The following DAPK1 variants were observed in gnomAD, a reference collection of about 807,000 sequenced individuals.
The protein encoded by DAPK1 is death associated protein kinase 1, also known as death-associated protein kinase 1.
DAPK1 carries 56 observed loss-of-function variants against 144.9 expected under a neutral mutation model. The ratio of observed to expected loss-of-function variants is 0.39; its 90% CI spans 0.31 to 0.48. The LOEUF (loss-of-function observed/expected upper bound fraction) is 0.48. Among genes scored for constraint, DAPK1 ranks in the 20% least tolerant of loss-of-function variants. The pLI, the probability that DAPK1 is intolerant of heterozygous loss-of-function variation, is 0.95. For synonymous variants in DAPK1, 690 were observed against 749.0 expected, an observed-to-expected ratio of 0.92 and a Z score of 1.29; for missense variants, 1,454 against 1,875.4, an observed-to-expected ratio of 0.78 and a Z score of 4.15.
intron 18 of DAPK1, among the ~76,000 whole-genome samples, chr9:87,664,912 C>A (rs1830996851): frequency 6.6e-6 from 1 of 152,228 alleles, no homozygotes; most frequent in Admixed American, 6.5e-5. Context: ...GCCCCATGAG[C>A]TTCCTTGATG....
At chr9:87,623,429 T>C (rs960087080) in intron 3 of DAPK1, among the ~76,000 whole-genome samples, 1 of 152,168 alleles carries the variant, frequency 6.6e-6, no homozygotes, top group African/African-American at 2.4e-5. Flanking sequence ...TATTTCCAAA[T>C]GTGGATCTTT....
At chr9:87,691,224 G>C (rs779438669) in intron 21 of DAPK1, among the ~76,000 whole-genome samples, 1 of 151,792 alleles carries the variant, frequency 6.6e-6, no homozygotes, top group Non-Finnish European at 1.5e-5. Flanking sequence ...TTCAATCTTT[G>C]TAAATTATCT....
chr9:87,523,972 A>G (rs1442269324), intron 2 of DAPK1, among the ~76,000 whole-genome samples: 2 of 152,244 alleles, frequency 1.3e-5, no homozygotes, highest in African/African-American at 4.8e-5. Context: ...TGCTATATTC[A>G]GAATCACAGG....
At chr9:87,690,328 G>C (rs1477425516) in intron 21 of DAPK1, among the ~76,000 whole-genome samples, 1 of 151,950 alleles carries the variant, frequency 6.6e-6, no homozygotes, top group Non-Finnish European at 1.5e-5. Context: ...GTATAGAAAG[G>C]CTACTGATTT....
At chr9:87,593,043 A>G (rs1300693977) in intron 2 of DAPK1, among the ~76,000 whole-genome samples, 2 of 152,220 alleles carry the variant, frequency 1.3e-5, no homozygotes, top group Non-Finnish European at 2.9e-5. Flanking sequence ...TGACAGCCAG[A>G]CAGCCACTCA....
intron 18 of DAPK1, among the ~76,000 whole-genome samples, chr9:87,660,452 A>C (rs1040707417): frequency 6.6e-6 from 1 of 152,244 alleles, no homozygotes; most frequent in African/African-American, 2.4e-5. Context: ...ATATGCAAAT[A>C]TTATCATACC....
At chr9:87,595,680 A>C (rs1316657597) in intron 2 of DAPK1, among the ~76,000 whole-genome samples, 1 of 152,218 alleles carries the variant, frequency 6.6e-6, no homozygotes, top group South Asian at 2.1e-4. Flanking sequence ...GCAGTCTTCC[A>C]GGAGACCTTG....
intron 2 of DAPK1, among the ~76,000 whole-genome samples, chr9:87,541,929 A>G (rs1826071946): frequency 1.3e-5 from 2 of 152,158 alleles, no homozygotes; most frequent in South Asian, 2.1e-4. Context: ...GCCTTTGTTC[A>G]TCTTGAAAAT....
chr9:87,518,918 GA>G (rs34534596), intron 2 of DAPK1, among the ~76,000 whole-genome samples: 175 of 144,626 alleles, frequency 1.2e-3, no homozygotes, highest in Middle Eastern at 3.5e-3. Context: ...ATCTTTCCAG[GA>G]AAAAAAAAAA....
chr9:87,689,848 G>A (rs1207436854), intron 21 of DAPK1, among the ~76,000 whole-genome samples: 1 of 152,076 alleles, frequency 6.6e-6, no homozygotes, highest in Non-Finnish European at 1.5e-5. Flanking sequence ...TTTCTATTCT[G>A]TTCCATTGGT....
intron 2 of DAPK1, among the ~76,000 whole-genome samples, chr9:87,523,261 TG>T (rs1009354348): frequency 4.4e-4 from 67 of 152,352 alleles, no homozygotes; most frequent in African/African-American, 1.6e-3. Context: ...TAATCTTTTA[TG>T]GGTTTTGTAT....
intron 2 of DAPK1, among the ~76,000 whole-genome samples, chr9:87,517,765 G>A (rs1825118208): frequency 6.6e-6 from 1 of 152,164 alleles, no homozygotes; most frequent in Admixed American, 6.5e-5. Context: ...CTGCTAGCTG[G>A]GGTAGAGTAA....
chr9:87,644,916 G>A (rs1307757798), intron 11 of DAPK1, among the ~76,000 whole-genome samples: 2 of 152,060 alleles, frequency 1.3e-5, no homozygotes, highest in South Asian at 2.1e-4. Flanking sequence ...TCATGTAAAC[G>A]CCTCTTAGTC....
chr9:87,544,906 A>G (rs767749378), intron 2 of DAPK1, among the ~76,000 whole-genome samples: 1 of 152,204 alleles, frequency 6.6e-6, no homozygotes, highest in African/African-American at 2.4e-5. Flanking sequence ...AAGGTGAGGT[A>G]GGGACACAGC....
At chr9:87,620,023 G>A (rs944951099) in intron 3 of DAPK1, among the ~76,000 whole-genome samples, 1 of 150,282 alleles carries the variant, frequency 6.7e-6, no homozygotes, top group Non-Finnish European at 1.5e-5. Context: ...AGACGATGCT[G>A]TTGAAAAGGA....
intron 21 of DAPK1, among the ~76,000 whole-genome samples, chr9:87,691,613 CGTAG>C (rs1206862853): frequency 1.3e-5 from 2 of 151,676 alleles, no homozygotes; most frequent in Non-Finnish European, 2.9e-5. Context: ...GATTTTTTGA[CGTAG>C]GTGTTTATTG....
At chr9:87,664,787 A>G (rs1211738897) in intron 18 of DAPK1, among the ~76,000 whole-genome samples, 2 of 152,124 alleles carry the variant, frequency 1.3e-5, no homozygotes, top group East Asian at 1.9e-4. Flanking sequence ...TGCTCTAGCA[A>G]CTTCTCATGG....
rs750754584 is a variant in DAPK1, at chr9:87,566,834, TTGTC to T, written c.63-38117_63-38114del. On this transcript the variant is annotated intron_variant, in intron 2 of 25. Transcript: ENST00000408954. Reference sequence around the variant, plus strand: ...GTCATCTCAGGCCAACCGTGTTTCTTTGTCTGAGCACATCATTGCACTGATGAAA... The same window carrying T: ...GTCATCTCAGGCCAACCGTGTTTCTTTGAGCACATCATTGCACTGATGAAA... 6.2e-4 allele frequency among the ~76,000 whole-genome samples: 95 copies of T among 152,300 alleles called. 1 individual carries two copies. Among genetic ancestry groups the T allele is most frequent in the Non-Finnish European group, 8.5e-4 (58 of 68,022 alleles).
At chr9:87,552,330 A>C (rs1487766872) in intron 2 of DAPK1, among the ~76,000 whole-genome samples, 1 of 152,158 alleles carries the variant, frequency 6.6e-6, no homozygotes, top group Non-Finnish European at 1.5e-5. Context: ...AAAGAGGACA[A>C]GGGAGGGATA....
Sources: allele counts gnomAD v4.1 joint callset (sites outside exome capture counted in the v4.1 genomes callset), GRCh38; gene constraint gnomAD v4.1.1; transcripts MANE v1.5; gene names NCBI Gene and HGNC (gene_info 2026-07-23, HGNC 2026-07-21).